The following CSMD1 variants were observed in gnomAD, a reference collection of about 807,000 sequenced individuals.
CSMD1 encodes CUB and sushi domain-containing protein 1.
CSMD1 carries 213 observed loss-of-function variants against 417.5 expected under a neutral mutation model. The ratio of observed to expected loss-of-function variants is 0.51; its 90% CI spans 0.46 to 0.57. The LOEUF is 0.57. Among genes scored for constraint, CSMD1 ranks in the 20% least tolerant of loss-of-function variants. The probability of loss-of-function intolerance (pLI) is 0.00; values close to 1 mark genes in which losing one functional copy is unlikely to be tolerated. For synonymous variants in CSMD1, 2,862 were observed against 1,736.8 expected (o/e 1.65, Z -16.11); for missense variants, 6,923 against 4,529.7 (o/e 1.53, Z -15.17).
At chr8:3,505,548 C>T (rs966358055) in intron 10 of CSMD1, among the ~76,000 whole-genome samples, 2 of 152,132 alleles carry the variant, frequency 1.3e-5, no homozygotes, top group Admixed American at 6.6e-5. Flanking sequence ...AATAGGAATA[C>T]GTCACCTCAC....
rs2128929147 is a variant in CSMD1, at chr8:2,966,698, C to G, written c.8972G>C (p.Ser2991Thr). 1.2e-6 allele frequency: 2 copies of G among 1,613,816 alleles called. No individual in the cohort carries two copies. The highest frequency in any genetic ancestry group is 4.5e-5 in the East Asian group (2 of 44,836). The change falls in exon 58 of 70, where the codon AGT becomes ACT. Residue 2991 changes from serine to threonine, a missense_variant. Physicochemically the swap from Ser to Thr is moderately conservative, Grantham distance 58. Coordinates refer to ENST00000635120, the MANE Select transcript of CSMD1 (RefSeq NM_033225.6). ...GCTGGAGAACAGAATGCCATCACTA[C>G]TGACAATCATTCCGTTGGTGGGTGT... ...PGTPTNGMIV[S>T]SDGILFSSSV...
chr8:3,385,602 A>T (rs1355434411), intron 18 of CSMD1, among the ~76,000 whole-genome samples: 4 of 152,212 alleles, frequency 2.6e-5, no homozygotes, highest in Non-Finnish European at 5.9e-5. Context: ...AGGGAATTTT[A>T]TAAGAGTTTA....
At chr8:3,281,872 A>T (rs185404645) in intron 26 of CSMD1, among the ~76,000 whole-genome samples, 153 of 152,220 alleles carry the variant, frequency 1.0e-3, no homozygotes, top group Non-Finnish European at 1.7e-3. Flanking sequence ...GGTAGTTTCT[A>T]ATGGTTTAGT....
At chr8:3,169,833 C>T (rs1004232809) in intron 37 of CSMD1, among the ~76,000 whole-genome samples, 9 of 152,154 alleles carry the variant, frequency 5.9e-5, no homozygotes, top group Admixed American at 2.0e-4. Flanking sequence ...TTTCTGGTGT[C>T]ACTACATGCC....
At chr8:4,498,426 G>A (rs1199889868) in intron 2 of CSMD1, among the ~76,000 whole-genome samples, 1 of 152,008 alleles carries the variant, frequency 6.6e-6, no homozygotes, top group Non-Finnish European at 1.5e-5. Context: ...ATTAATGCAT[G>A]CTTCAGAGGC....
chr8:4,011,459 T>C (rs561015860), intron 4 of CSMD1, among the ~76,000 whole-genome samples: 1 of 152,304 alleles, frequency 6.6e-6, no homozygotes, highest in South Asian at 2.1e-4. Flanking sequence ...TGTCCACATT[T>C]GCGGTCTTTA....
At chr8:4,715,169 T>C (rs894198972) in intron 1 of CSMD1, among the ~76,000 whole-genome samples, 2 of 152,206 alleles carry the variant, frequency 1.3e-5, no homozygotes, top group Non-Finnish European at 2.9e-5. Context: ...CTTTAGTTAT[T>C]CTATTATTTC....
At chr8:4,461,162 C>CAGATA (rs1554486883) in intron 2 of CSMD1, among the ~76,000 whole-genome samples, 7 of 151,190 alleles carry the variant, frequency 4.6e-5, no homozygotes, top group African/African-American at 1.5e-4. Flanking sequence ...GATTGTCTTA[C>CAGATA]CAGATAAAAA....
At chr8:3,278,369 C>G (rs906357805) in intron 26 of CSMD1, 2 of 152,140 alleles carry the variant, frequency 1.3e-5, no homozygotes, top group African/African-American at 4.8e-5. Context: ...TAACTATTTT[C>G]TCTCCAATAA....
chr8:2,959,223 C>T (rs1803262559), intron 62 of CSMD1, among the ~76,000 whole-genome samples: 1 of 152,200 alleles, frequency 6.6e-6, no homozygotes, highest in Non-Finnish European at 1.5e-5. Context: ...CCCATCTCAG[C>T]CTTCTGCACA....
intron 3 of CSMD1, among the ~76,000 whole-genome samples, chr8:4,271,684 C>A (rs541325762): frequency 6.6e-6 from 1 of 152,220 alleles, no homozygotes; most frequent in South Asian, 2.1e-4. Flanking sequence ...AGGTATACAT[C>A]ACTATATGTA....
intron 12 of CSMD1, among the ~76,000 whole-genome samples, chr8:3,419,329 C>A (rs756549574): frequency 1.1e-4 from 16 of 152,116 alleles, no homozygotes; most frequent in Non-Finnish European, 2.2e-4. Context: ...ACTCCACTGC[C>A]GTTTCCAAAA....
chr8:4,310,217 T>C (rs1008477368), intron 3 of CSMD1, among the ~76,000 whole-genome samples: 2 of 152,138 alleles, frequency 1.3e-5, no homozygotes, highest in Non-Finnish European at 2.9e-5. Context: ...TAGTGGAGGA[T>C]TCAGGAATTA....
intron 17 of CSMD1, among the ~76,000 whole-genome samples, chr8:3,391,254 G>C (rs1204696093): frequency 6.6e-6 from 1 of 152,122 alleles, no homozygotes; most frequent in East Asian, 1.9e-4. Flanking sequence ...TGAATAACAT[G>C]ATATATCAAT....
intron 5 of CSMD1, among the ~76,000 whole-genome samples, chr8:3,771,905 C>G (rs554841019): frequency 6.6e-6 from 1 of 152,072 alleles, no homozygotes; most frequent in East Asian, 1.9e-4. Flanking sequence ...CAGATATGAG[C>G]AGGAGAAAAA....
intron 61 of CSMD1, among the ~76,000 whole-genome samples, chr8:2,961,493 G>C (rs947032050): frequency 1.3e-5 from 2 of 151,310 alleles, no homozygotes; most frequent in African/African-American, 4.9e-5. Context: ...TTTTTCTATA[G>C]AAATATATTT....
intron 3 of CSMD1, among the ~76,000 whole-genome samples, chr8:4,107,737 A>G (rs974696987): frequency 6.6e-6 from 1 of 152,128 alleles, no homozygotes; most frequent in Non-Finnish European, 1.5e-5. Context: ...GATTAAAGGG[A>G]GGGACGCTGC....
At chr8:4,748,554 C>T (rs1036998136) in intron 1 of CSMD1, among the ~76,000 whole-genome samples, 4 of 152,138 alleles carry the variant, frequency 2.6e-5, no homozygotes, top group Non-Finnish European at 4.4e-5. Flanking sequence ...AAAGAACAGA[C>T]ATCAGGATTA....
intron 3 of CSMD1, among the ~76,000 whole-genome samples, chr8:4,268,209 C>A (rs1444358688): frequency 6.6e-6 from 1 of 152,118 alleles, no homozygotes; most frequent in Non-Finnish European, 1.5e-5. Context: ...GGATTATCAT[C>A]CTGTTTAAAG....
Sources: gnomAD v4.1 joint callset for allele counts (sites outside exome capture counted in the v4.1 genomes callset) on GRCh38, gnomAD v4.1.1 for gene constraint, MANE v1.5 for transcripts, NCBI Gene and HGNC (gene_info 2026-07-23, HGNC 2026-07-21) for gene names.